The following UGGT2 variants were observed in gnomAD, a reference collection of about 807,000 sequenced individuals.
UGGT2 encodes the protein UDP-glucose:glycoprotein glucosyltransferase 2.
A neutral mutation model predicts 192.1 loss-of-function variants in UGGT2; 180 were observed. The observed-to-expected ratio is 0.94, with a 90% confidence interval of 0.83 to 1.06. The LOEUF (loss-of-function observed/expected upper bound fraction) is 1.06, where lower values mean the gene tolerates loss of function less well. Among genes scored for constraint, UGGT2 ranks in the 50% least tolerant of loss-of-function variants. The pLI is 0.00. For missense variants in UGGT2, 1,849 were observed against 1,795.7 expected (o/e 1.03, Z -0.54); for synonymous variants, 580 against 591.0 (o/e 0.98, Z 0.27).
chr13:95,915,313 A>G (rs2048646634), intron 20 of UGGT2, among the ~76,000 whole-genome samples: 1 of 151,938 alleles, frequency 6.6e-6, no homozygotes, highest in African/African-American at 2.4e-5. Context: ...ATTTTCCCTT[A>G]CCCAGTTCTT....
At chr13:96,033,381 C>A (rs1309768308) in intron 1 of UGGT2, among the ~76,000 whole-genome samples, 1 of 152,216 alleles carries the variant, frequency 6.6e-6, no homozygotes, top group South Asian at 2.1e-4. Flanking sequence ...CCACCCACTT[C>A]TGAGTTGGTA....
rs1382218177 is a variant in UGGT2, at chr13:95,919,907, AG to A, written c.2295+5772del. Among the ~76,000 whole-genome samples, 7 of 152,312 alleles carry A rather than the reference AG, an allele frequency of 4.6e-5. No homozygotes were observed. The East Asian group carries it at 9.6e-4, about 21-fold the overall frequency. ...AGCCCGAATAGTCAAGCCAATCCTA[AG>A]AAAAAAGAACAAAGCTGGAGGTATC... On this transcript the variant is annotated intron_variant, in intron 20 of 38. Transcript: ENST00000376747.
At chr13:96,031,223 A>G (rs1475212750) in intron 2 of UGGT2, among the ~76,000 whole-genome samples, 11 of 152,230 alleles carry the variant, frequency 7.2e-5, no homozygotes, top group African/African-American at 2.7e-4. Flanking sequence ...AAAAAAATTA[A>G]GTCTACTTTT....
intron 29 of UGGT2, among the ~76,000 whole-genome samples, chr13:95,868,470 C>T (rs1284696237): frequency 1.3e-5 from 2 of 152,024 alleles, no homozygotes; most frequent in Non-Finnish European, 2.9e-5. Context: ...TGGTGGCCAG[C>T]GCTGTGGTCC....
intron 32 of UGGT2, 66 bp downstream of exon 32, chr13:95,860,722 T>C: frequency 2.8e-6 from 3 of 1,087,948 alleles, no homozygotes; most frequent in Non-Finnish European, 3.8e-6. Context: ...TTCCTTTATT[T>C]TTTTTTGAAA....
chr13:95,992,351 T>A (rs192761552), intron 7 of UGGT2, among the ~76,000 whole-genome samples: 3 of 152,332 alleles, frequency 2.0e-5, no homozygotes, highest in Admixed American at 2.0e-4. Flanking sequence ...TTTGTTTGTG[T>A]CAGCTATGAT....
chr13:95,847,402 C>A (rs1888579868), intron 36 of UGGT2, among the ~76,000 whole-genome samples: 1 of 152,096 alleles, frequency 6.6e-6, no homozygotes, highest in African/African-American at 2.4e-5. Flanking sequence ...ATGTATCTAC[C>A]ACTACATATT....
intron 20 of UGGT2, among the ~76,000 whole-genome samples, chr13:95,914,301 T>C (rs2048605955): frequency 1.3e-5 from 2 of 151,784 alleles, no homozygotes; most frequent in South Asian, 4.1e-4. Flanking sequence ...AAATATTCCT[T>C]ACAACTACTG....
In UGGT2 at chr13:96,010,663, T is replaced by C. The variant is rs138263467; in HGVS notation, c.660+2644A>G. On this transcript the variant is annotated intron_variant, in intron 5 of 38. Transcript: ENST00000376747. Reference sequence around the variant, plus strand: ...ATAAATCAAGAGACATAATTTTCAATTGGAAGACTGAATATTTTTAAGATG... The same window carrying C: ...ATAAATCAAGAGACATAATTTTCAACTGGAAGACTGAATATTTTTAAGATG... 3.1e-3 allele frequency among the ~76,000 whole-genome samples: 478 copies of C among 152,282 alleles called. 2 individuals carry two copies. The highest frequency in any genetic ancestry group is 0.011 in the African/African-American group (455 of 41,560).
rs973143039 is a variant in UGGT2, at chr13:95,972,694, G to A, written c.1093-23C>T. On this transcript the variant is annotated intron_variant, in intron 10 of 38. Transcript: ENST00000376747. ...ATCCTTGAAGTAGAGCAAAGCAATA[G>A]TTAACCAGTGATAGAACAATAGTGA... is the stretch of plus-strand genomic sequence containing the variant. 4 of 1,564,858 alleles carry A rather than the reference G, an allele frequency of 2.6e-6. No homozygotes were observed. The East Asian group carries it at 9.0e-5, about 35-fold the overall frequency.
At chr13:95,868,989 C>T (rs1166071352) in intron 29 of UGGT2, among the ~76,000 whole-genome samples, 4 of 151,240 alleles carry the variant, frequency 2.6e-5, no homozygotes, top group Non-Finnish European at 4.4e-5. Flanking sequence ...CACCCATTAA[C>T]TCTTCATTTA....
intron 10 of UGGT2, among the ~76,000 whole-genome samples, chr13:95,979,361 C>T (rs2051040466): frequency 6.6e-6 from 1 of 151,900 alleles, no homozygotes; most frequent in African/African-American, 2.4e-5. Flanking sequence ...GCTTGAGTCC[C>T]AAGTCAAAAA....
chr13:96,007,345 T>C (rs946410870), intron 5 of UGGT2, among the ~76,000 whole-genome samples: 1 of 152,092 alleles, frequency 6.6e-6, no homozygotes, highest in East Asian at 1.9e-4. Flanking sequence ...GCTAATATCA[T>C]ATGGAAACAG....
chr13:95,870,261 G>T (rs902381722), intron 29 of UGGT2, among the ~76,000 whole-genome samples: 29 of 152,178 alleles, frequency 1.9e-4, no homozygotes, highest in Non-Finnish European at 4.3e-4. Flanking sequence ...CCCACCTTTA[G>T]CATACACTGC....
chr13:95,843,268 A>G (rs1157716732), intron 36 of UGGT2, among the ~76,000 whole-genome samples: 2 of 152,210 alleles, frequency 1.3e-5, no homozygotes, highest in Admixed American at 6.5e-5. Flanking sequence ...GCAGGTATAT[A>G]TCCTTTCAAC....
chr13:95,805,852 A>G (rs1433010391), intron 38 of UGGT2, among the ~76,000 whole-genome samples: 4 of 152,116 alleles, frequency 2.6e-5, no homozygotes, highest in African/African-American at 4.8e-5. Context: ...ATTTCAAAAC[A>G]ATGTGAATAT....
chr13:95,847,947 CCACATCTT>C (rs1888639985), intron 36 of UGGT2, among the ~76,000 whole-genome samples: 1 of 152,218 alleles, frequency 6.6e-6, no homozygotes, highest in South Asian at 2.1e-4. Flanking sequence ...TCCTCTTGCT[CCACATCTT>C]CACTAGCCTT....
chr13:95,819,441 G>A (rs1447865344), intron 38 of UGGT2, among the ~76,000 whole-genome samples: 1 of 151,818 alleles, frequency 6.6e-6, no homozygotes, highest in Non-Finnish European at 1.5e-5. Flanking sequence ...TAAGCTTATG[G>A]AAGCCCTAAA....
chr13:95,931,021 C>T lies in UGGT2; in HGVS notation c.1978-3685G>A, dbSNP rs1463628581. On this transcript the variant is annotated intron_variant, in intron 17 of 38. Coordinates refer to ENST00000376747, the MANE Select transcript of UGGT2 (RefSeq NM_020121.4). ...AGCGGGTTGCCACGGCTGGCTTGGG[C>T]AGCCTGCTTTTATTCCCTTATCTGG... is the stretch of plus-strand genomic sequence containing the variant. Among the ~76,000 whole-genome samples the T allele has an allele frequency of 2.6e-5, 4 of 152,296 alleles. No individual in the cohort carries two copies. In the East Asian group the frequency reaches 7.7e-4, roughly 29 times the overall value.
Sources: allele counts gnomAD v4.1 joint callset (sites outside exome capture counted in the v4.1 genomes callset), GRCh38; gene constraint gnomAD v4.1.1; transcripts MANE v1.5; gene names NCBI Gene and HGNC (gene_info 2026-07-23, HGNC 2026-07-21).